Variants in NIPAL2 observed in about 807,000 individuals in gnomAD.
NIPAL2 encodes the protein NIPA-like protein 2.
Under a neutral mutation model 48.9 loss-of-function variants are expected in NIPAL2, and 43 were observed. The ratio of observed to expected loss-of-function variants is 0.88; its 90% CI spans 0.69 to 1.13. NIPAL2 has a LOEUF of 1.13. NIPAL2 is among the 50% of genes most tolerant of loss of function. The probability of loss-of-function intolerance (pLI) is 0.00; values close to 1 mark genes in which losing one functional copy is unlikely to be tolerated. For missense variants in NIPAL2, 446 were observed against 461.4 expected (o/e 0.97, Z 0.31); for synonymous variants, 167 against 174.6 (o/e 0.96, Z 0.34).
chr8:98,199,999 G>A (rs1810729718), intron 8 of NIPAL2, among the ~76,000 whole-genome samples: 1 of 151,880 alleles, frequency 6.6e-6, no homozygotes. Context: ...CGTCACCCAG[G>A]CTGGAGAGTA....
At chr8:98,267,745 A>G (rs1369350133) in intron 1 of NIPAL2, among the ~76,000 whole-genome samples, 1 of 152,128 alleles carries the variant, frequency 6.6e-6, no homozygotes, top group Admixed American at 6.5e-5. Context: ...TTTCCCCATA[A>G]GCTTATGGGT....
chr8:98,292,726 ATT>A (rs11445213), intron 1 of NIPAL2, among the ~76,000 whole-genome samples: 17 of 140,982 alleles, frequency 1.2e-4, no homozygotes, highest in East Asian at 2.1e-4. Context: ...CTAACCCTCT[ATT>A]TTTTTTTTTT....
At chr8:98,223,905 C>G (rs1784439882) in intron 4 of NIPAL2, among the ~76,000 whole-genome samples, 1 of 152,090 alleles carries the variant, frequency 6.6e-6, no homozygotes, top group South Asian at 2.1e-4. Context: ...ATTGGTCAGT[C>G]ATGTCTTTTC....
chr8:98,240,877 C>T (rs1202760993), intron 3 of NIPAL2, among the ~76,000 whole-genome samples: 1 of 152,236 alleles, frequency 6.6e-6, no homozygotes, highest in Non-Finnish European at 1.5e-5. Flanking sequence ...TTGAGTGTTG[C>T]TCTGTCCAGA....
chr8:98,291,323 C>T (rs892570335), intron 1 of NIPAL2, among the ~76,000 whole-genome samples: 1 of 152,216 alleles, frequency 6.6e-6, no homozygotes, highest in East Asian at 1.9e-4. Flanking sequence ...AGGGCTGCTT[C>T]TGGGTCCCTA....
rs975207809 is a variant in NIPAL2, at chr8:98,222,718, A to T, written c.437-118T>A. 6.4e-5 allele frequency: 61 copies of T among 959,078 alleles called. No individual in the cohort carries two copies. In the South Asian group the frequency reaches 9.3e-4, roughly 15 times the overall value. The allele number at this position is 959,078 out of a possible 1,614,324, so 59.4% of individuals were successfully genotyped here. On this transcript the variant is annotated intron_variant, in intron 4 of 10. Transcript: ENST00000430223. ...AAAGTGCCAATCGCCCCTCCCTATT[A>T]TACTCCGTTTCATCAAACCATCCTT...
rs375802900 is a variant in NIPAL2 at position 98,191,109 on chromosome 8, T to C, written c.*1869A>G. On this transcript the variant is annotated 3_prime_UTR_variant, in exon 11 of 11. Coordinates refer to ENST00000430223, the MANE Select transcript of NIPAL2 (RefSeq NM_001321635.2). ...AATAGATGCAACTGTTGGCGGCTGC[T>C]AAAGTACTGGTGTTATGCTTGTGCC... is the stretch of plus-strand genomic sequence containing the variant. 6.6e-6 allele frequency: 1 copy of C among 152,254 alleles called. No individual in the cohort carries two copies. Among genetic ancestry groups the C allele is most frequent in the East Asian group, 1.9e-4 (1 of 5,206 alleles). 9.4% of individuals were successfully genotyped at this position (152,254 alleles called of 1,614,324 possible). A position where few individuals can be genotyped will look rare whatever the true frequency, so the allele number is the denominator to read the frequency against.
chr8:98,236,276 T>C, intron 3 of NIPAL2, 62 bp from the exon 4 acceptor site: 2 of 1,187,024 alleles, frequency 1.7e-6, no homozygotes, highest in South Asian at 1.3e-5. Flanking sequence ...CGCAATGCCA[T>C]TTGAAAGAAG....
chr8:98,254,163 C>A, intron 1 of NIPAL2, 76 bp from the exon 2 acceptor site: 1 of 1,211,390 alleles, frequency 8.3e-7, no homozygotes, highest in South Asian at 1.3e-5. Context: ...TTTAGGTGTT[C>A]ATTCATTTGT....
chr8:98,200,765 C>T (rs1469915910), intron 8 of NIPAL2, among the ~76,000 whole-genome samples: 1 of 152,196 alleles, frequency 6.6e-6, no homozygotes, highest in African/African-American at 2.4e-5. Flanking sequence ...TCCAGTTGAT[C>T]CACATCCTCA....
At chr8:98,269,972 T>G (rs1239876859) in intron 1 of NIPAL2, among the ~76,000 whole-genome samples, 1 of 152,236 alleles carries the variant, frequency 6.6e-6, no homozygotes, top group Admixed American at 6.5e-5. Flanking sequence ...TTGCTTAGGA[T>G]AACAGTATCC....
intron 1 of NIPAL2, among the ~76,000 whole-genome samples, chr8:98,256,688 T>G (rs1354107230): frequency 6.6e-6 from 1 of 151,410 alleles, no homozygotes; most frequent in African/African-American, 2.4e-5. Flanking sequence ...GGAACACTTG[T>G]GCATTGCTGG....
chr8:98,196,630 T>G (rs17286512), intron 8 of NIPAL2, among the ~76,000 whole-genome samples: 8,848 of 152,370 alleles, frequency 0.058, 285 homozygotes, highest in Middle Eastern at 0.12. Flanking sequence ...ACTTTGCTTC[T>G]CTCCGTCTTG....
At chr8:98,289,198 T>C (rs1182311688) in intron 1 of NIPAL2, among the ~76,000 whole-genome samples, 1 of 152,220 alleles carries the variant, frequency 6.6e-6, no homozygotes, top group South Asian at 2.1e-4. Flanking sequence ...TATCCATTTT[T>C]CCCCTTTTTT....
chr8:98,285,512 G>A (rs2130911758), intron 1 of NIPAL2, among the ~76,000 whole-genome samples: 1 of 152,232 alleles, frequency 6.6e-6, no homozygotes, highest in South Asian at 2.1e-4. Flanking sequence ...GGGGGTGAAA[G>A]GAAGTATGTA....
chr8:98,202,995 G>C (rs910508030), intron 8 of NIPAL2, 113 bp downstream of exon 8: 14 of 783,668 alleles, frequency 1.8e-5, no homozygotes, highest in Non-Finnish European at 2.3e-5. Context: ...TCAGACACCA[G>C]GTGGAGGCAA....
intron 1 of NIPAL2, among the ~76,000 whole-genome samples, chr8:98,286,936 G>A (rs186549552): frequency 9.0e-4 from 137 of 152,248 alleles, no homozygotes; most frequent in African/African-American, 3.2e-3. Context: ...TGGAGGGGCA[G>A]TAGAGTGCTA....
intron 5 of NIPAL2, among the ~76,000 whole-genome samples, chr8:98,222,137 T>C (rs185691898): frequency 1.3e-5 from 2 of 152,292 alleles, no homozygotes; most frequent in African/African-American, 4.8e-5. Flanking sequence ...AGAGAACCCC[T>C]ATTTTGAATA....
intron 6 of NIPAL2, among the ~76,000 whole-genome samples, chr8:98,207,835 T>C (rs1811112643): frequency 6.6e-6 from 1 of 152,242 alleles, no homozygotes; most frequent in Non-Finnish European, 1.5e-5. Flanking sequence ...CCTATTTACC[T>C]AAAGTATTTT....
Sources: gnomAD v4.1 joint callset for allele counts (sites outside exome capture counted in the v4.1 genomes callset) on GRCh38, gnomAD v4.1.1 for gene constraint, MANE v1.5 for transcripts, NCBI Gene and HGNC (gene_info 2026-07-23, HGNC 2026-07-21) for gene names.